Variants in SLC16A12 observed in about 807,000 individuals in gnomAD.
The protein encoded by SLC16A12 is monocarboxylate transporter 12.
Under a neutral mutation model 42.4 loss-of-function variants are expected in SLC16A12, and 17 were observed. The observed-to-expected ratio is 0.40, with a 90% confidence interval of 0.27 to 0.60. The LOEUF (loss-of-function observed/expected upper bound fraction) is 0.60, where lower values mean the gene tolerates loss of function less well. Among genes scored for constraint, SLC16A12 ranks in the 20% least tolerant of loss-of-function variants. The probability of loss-of-function intolerance (pLI) is 0.42; values close to 1 mark genes in which losing one functional copy is unlikely to be tolerated. For synonymous variants in SLC16A12, 224 were observed against 229.4 expected (o/e 0.98, Z 0.21); for missense variants, 544 against 623.0 (o/e 0.87, Z 1.35).
intron 2 of SLC16A12, among the ~76,000 whole-genome samples, chr10:89,488,408 T>C (rs1023018930): frequency 6.6e-6 from 1 of 152,174 alleles, no homozygotes. Context: ...CAGCTCTTTG[T>C]TGGTGGAACT....
At chr10:89,522,436 C>T (rs1379390191) in intron 2 of SLC16A12, among the ~76,000 whole-genome samples, 3 of 152,188 alleles carry the variant, frequency 2.0e-5, no homozygotes, top group African/African-American at 7.2e-5. Context: ...CTGTTTCAAA[C>T]TACTAACCCC....
Position 89,455,312 on chromosome 10 carries a change from G to A in SLC16A12, c.200+7067C>T, listed in dbSNP as rs151104514. Among the ~76,000 whole-genome samples the A allele has an allele frequency of 8.1e-4, 124 of 152,238 alleles. 1 individual carries two copies. Among genetic ancestry groups the A allele is most frequent in the African/African-American group, 2.9e-3 (119 of 41,550 alleles). On this transcript the variant is annotated intron_variant, in intron 3 of 7. Coordinates refer to ENST00000371790, the MANE Select transcript of SLC16A12 (RefSeq NM_213606.4). Reference sequence around the variant, plus strand: ...AAATTGTTTTGGGGAACTTAGTAGTGTAACCATGTCTGTCCCTTGTCACTT... The same window carrying A: ...AAATTGTTTTGGGGAACTTAGTAGTATAACCATGTCTGTCCCTTGTCACTT...
chr10:89,509,819 C>T (rs1036726222), intron 2 of SLC16A12, among the ~76,000 whole-genome samples: 1 of 152,176 alleles, frequency 6.6e-6, no homozygotes, highest in Non-Finnish European at 1.5e-5. Flanking sequence ...TTGCAGATGA[C>T]ATAATTGTAT....
At chr10:89,460,045 G>A (rs1842270259) in intron 3 of SLC16A12, among the ~76,000 whole-genome samples, 1 of 152,214 alleles carries the variant, frequency 6.6e-6, no homozygotes, top group Admixed American at 6.5e-5. Flanking sequence ...ATGAGGCAAT[G>A]TGATTGGAAG....
At chr10:89,504,290 T>C (rs901981263) in intron 2 of SLC16A12, among the ~76,000 whole-genome samples, 1 of 152,204 alleles carries the variant, frequency 6.6e-6, no homozygotes, top group Admixed American at 6.5e-5. Flanking sequence ...GTCAATCTCA[T>C]GTAAAGAGTC....
intron 2 of SLC16A12, among the ~76,000 whole-genome samples, chr10:89,512,501 G>A (rs1332069994): frequency 1.3e-5 from 2 of 152,154 alleles, no homozygotes; most frequent in East Asian, 3.9e-4. Flanking sequence ...GGAAGGAATA[G>A]GGCCTGAAGA....
rs1841903875 is a variant in SLC16A12, at chr10:89,441,182, G to A, written c.374C>T (p.Ala125Val). Residue 125 changes from alanine to valine, a missense_variant, in exon 5 of 8, where the codon GCA becomes GTA. Physicochemically the swap from Ala to Val is moderately conservative, Grantham distance 64. Coordinates refer to ENST00000371790, the MANE Select transcript of SLC16A12 (RefSeq NM_213606.4). Reference sequence around the variant, plus strand: ...TGAGCTCAGGATGAGTCCAGTAGATGCAAGCAAGCCACCCAGCATGATTCC... The same window carrying A: ...TGAGCTCAGGATGAGTCCAGTAGATACAAGCAAGCCACCCAGCATGATTCC... ...QVGIMLGGLL[A>V]STGLILSSFA... 6.2e-7 allele frequency: 1 copy of A among 1,613,878 alleles called. No individual in the cohort carries two copies. Among genetic ancestry groups the A allele is most frequent in the African/African-American group, 1.3e-5 (1 of 74,914 alleles).
chr10:89,435,917 T>C, intron 7 of SLC16A12, 143 bp downstream of exon 7: 2 of 1,184,958 alleles, frequency 1.7e-6, no homozygotes, highest in Non-Finnish European at 2.4e-6. Context: ...CATGATGGTT[T>C]TGGGGGCTCT....
At chr10:89,506,298 G>T (rs140388936) in intron 2 of SLC16A12, among the ~76,000 whole-genome samples, 2,260 of 152,254 alleles carry the variant, frequency 0.015, 25 homozygotes, top group Non-Finnish European at 0.023. Context: ...CCCAGTAGGG[G>T]CTGACAGATA....
chr10:89,482,260 A>G (rs1341891380), intron 2 of SLC16A12, among the ~76,000 whole-genome samples: 1 of 151,476 alleles, frequency 6.6e-6, no homozygotes, highest in Admixed American at 6.6e-5. Context: ...AAAGAAGAAG[A>G]AAAGAAAAAA....
intron 2 of SLC16A12, among the ~76,000 whole-genome samples, chr10:89,543,450 A>G (rs1589738145): frequency 6.6e-6 from 1 of 152,308 alleles, no homozygotes. Flanking sequence ...AATAACTCAG[A>G]ACTTCATTTT....
chr10:89,467,068 T>C (rs1345285369), intron 2 of SLC16A12, among the ~76,000 whole-genome samples: 1 of 152,218 alleles, frequency 6.6e-6, no homozygotes, highest in South Asian at 2.1e-4. Flanking sequence ...ATACAATCAG[T>C]TGTACCAGTA....
At chr10:89,511,725 TATA>T (rs1292666831) in intron 2 of SLC16A12, among the ~76,000 whole-genome samples, 1 of 152,028 alleles carries the variant, frequency 6.6e-6, no homozygotes, top group African/African-American at 2.4e-5. Flanking sequence ...GAACTTAAAG[TATA>T]ATAATAATAA....
chr10:89,480,497 C>A (rs1240598466), intron 2 of SLC16A12, among the ~76,000 whole-genome samples: 1 of 152,110 alleles, frequency 6.6e-6, no homozygotes, highest in African/African-American at 2.4e-5. Context: ...ATACATTTTT[C>A]ATCTTCATTG....
At chr10:89,537,260 C>T (rs1366415774), upstream of SLC16A12, among the ~76,000 whole-genome samples, 1 of 149,906 alleles carries the variant, frequency 6.7e-6, no homozygotes, top group Non-Finnish European at 1.5e-5. Context: ...TCATTGCAGT[C>T]TCGAACTCCT....
At chr10:89,498,008 G>C (rs1842945901) in intron 2 of SLC16A12, among the ~76,000 whole-genome samples, 1 of 152,054 alleles carries the variant, frequency 6.6e-6, no homozygotes, top group East Asian at 1.9e-4. Context: ...TTTATAACTA[G>C]TAAAAATAAA....
chr10:89,447,562 G>C (rs1202796512), intron 3 of SLC16A12, among the ~76,000 whole-genome samples: 1 of 152,158 alleles, frequency 6.6e-6, no homozygotes, highest in Admixed American at 6.5e-5. Context: ...AAACCAGTGA[G>C]AACAAAGACA....
intron 2 of SLC16A12, among the ~76,000 whole-genome samples, chr10:89,489,506 C>A (rs1825306870): frequency 1.3e-5 from 2 of 151,918 alleles, no homozygotes; most frequent in Admixed American, 1.3e-4. Context: ...ACCCGGCTAA[C>A]TTTTTGTGTG....
intron 2 of SLC16A12, among the ~76,000 whole-genome samples, chr10:89,486,591 CAA>C (rs374359325): frequency 8.2e-4 from 35 of 42,852 alleles, no homozygotes; most frequent in Admixed American, 4.3e-3. Context: ...AACCTTGTCT[CAA>C]AAAAAAAAAA....
Sources: allele counts gnomAD v4.1 joint callset (sites outside exome capture counted in the v4.1 genomes callset), GRCh38; gene constraint gnomAD v4.1.1; transcripts MANE v1.5; gene names NCBI Gene and HGNC (gene_info 2026-07-23, HGNC 2026-07-21).